RBFOX1: variants seen among roughly 807,000 people sequenced by gnomAD.
RBFOX1 encodes the protein RNA binding protein fox-1 homolog 1.
A neutral mutation model predicts 57.7 loss-of-function variants in RBFOX1; 8 were observed. That is an observed-to-expected ratio of 0.14 (90% CI 0.08 to 0.25). The LOEUF (loss-of-function observed/expected upper bound fraction) is 0.25, where lower values mean the gene tolerates loss of function less well. Among genes scored for constraint, RBFOX1 ranks in the 10% least tolerant of loss-of-function variants. RBFOX1 has a pLI of 1.00. For synonymous variants in RBFOX1, 326 were observed against 222.4 expected, an observed-to-expected ratio of 1.47 and a Z score of -4.15; for missense variants, 611 against 548.5, an observed-to-expected ratio of 1.11 and a Z score of -1.14.
intron 1 of RBFOX1, among the ~76,000 whole-genome samples, chr16:6,171,896 A>G (rs1798449100): frequency 6.6e-6 from 1 of 151,924 alleles, no homozygotes; most frequent in South Asian, 2.1e-4. Flanking sequence ...ATTTCCGCTC[A>G]CTGTGACCTC....
intron 4 of RBFOX1, among the ~76,000 whole-genome samples, chr16:7,280,337 G>A (rs2178721): frequency 0.12 from 18,765 of 152,198 alleles, 1,485 homozygotes; most frequent in Middle Eastern, 0.21. Flanking sequence ...TCCCTCCATA[G>A]ACCCTAAGAC....
chr16:6,708,407 T>C (rs1422162414), intron 3 of RBFOX1, among the ~76,000 whole-genome samples: 1 of 152,184 alleles, frequency 6.6e-6, no homozygotes, highest in Non-Finnish European at 1.5e-5. Context: ...AGGAGTTAAG[T>C]TCTAAAATTA....
chr16:6,094,818 C>T (rs2096224318), intron 1 of RBFOX1, among the ~76,000 whole-genome samples: 1 of 152,208 alleles, frequency 6.6e-6, no homozygotes, highest in Admixed American at 6.5e-5. Flanking sequence ...AATCCCAACA[C>T]CTTGGGAGGC....
chr16:7,283,953 G>C (rs2095599078), intron 4 of RBFOX1, among the ~76,000 whole-genome samples: 1 of 152,216 alleles, frequency 6.6e-6, no homozygotes, highest in Non-Finnish European at 1.5e-5. Flanking sequence ...TTAGTCCCCA[G>C]CTCTAGATCC....
At chr16:6,955,135 G>C (rs930786961) in intron 3 of RBFOX1, among the ~76,000 whole-genome samples, 4 of 151,864 alleles carry the variant, frequency 2.6e-5, no homozygotes, top group Admixed American at 1.3e-4. Flanking sequence ...CAGCTACTTG[G>C]GAGGTTGAGG....
intron 3 of RBFOX1, among the ~76,000 whole-genome samples, chr16:6,693,667 C>A (rs1011645507): frequency 6.6e-6 from 1 of 151,472 alleles, no homozygotes; most frequent in Non-Finnish European, 1.5e-5. Context: ...TCATCATCCT[C>A]ATCTGCTACC....
chr16:5,752,359 T>C (rs1377956077), intron 3 of RBFOX1, among the ~76,000 whole-genome samples: 1 of 152,188 alleles, frequency 6.6e-6, no homozygotes, highest in Non-Finnish European at 1.5e-5. Flanking sequence ...GATGAAATAG[T>C]CTGTACAGGA....
chr16:6,656,418 T>C (rs1023365526), intron 3 of RBFOX1, among the ~76,000 whole-genome samples: 2 of 152,238 alleles, frequency 1.3e-5, no homozygotes, highest in African/African-American at 4.8e-5. Context: ...GGGTAAGCTC[T>C]GGGCAAGGAG....
At chr16:6,980,103 G>C (rs890939720) in intron 3 of RBFOX1, among the ~76,000 whole-genome samples, 2 of 152,198 alleles carry the variant, frequency 1.3e-5, no homozygotes, top group Non-Finnish European at 2.9e-5. Context: ...TAGTAGAACA[G>C]TCACAGCACA....
At chr16:7,680,903 TACACAC>T (rs895671324) in intron 14 of RBFOX1, among the ~76,000 whole-genome samples, 3 of 119,182 alleles carry the variant, frequency 2.5e-5, no homozygotes, top group African/African-American at 8.8e-5. Context: ...CACACACACG[TACACAC>T]ACACACACTC....
Position 6,901,554 on chromosome 16 carries a change from T to G in RBFOX1, c.-15-150503T>G, listed in dbSNP as rs145329471. On this transcript the variant is annotated intron_variant, in intron 3 of 15. Transcript: ENST00000550418. ...AGCAAATCCAGAGAAGATTTTTGTT[T>G]ATGTAGTGGAATGTTCAACTCCTCA... Among the ~76,000 whole-genome samples the G allele has an allele frequency of 5.3e-3, 805 of 152,304 alleles. 6 individuals carry two copies. The highest frequency in any genetic ancestry group is 0.019 in the African/African-American group (774 of 41,562).
chr16:5,824,365 T>C (rs28434028), intron 3 of RBFOX1, among the ~76,000 whole-genome samples: 2,227 of 152,240 alleles, frequency 0.015, 56 homozygotes, highest in African/African-American at 0.05. Flanking sequence ...AGCTTGTCTG[T>C]CTCCCTCCTT....
At chr16:6,616,443 G>A (rs922078908) in intron 2 of RBFOX1, among the ~76,000 whole-genome samples, 6 of 151,828 alleles carry the variant, frequency 4.0e-5, no homozygotes, top group Admixed American at 1.3e-4. Context: ...TCAGGAGGCC[G>A]AGGCGGGTGG....
chr16:7,399,536 G>A (rs1314285743), intron 4 of RBFOX1, among the ~76,000 whole-genome samples: 1 of 152,146 alleles, frequency 6.6e-6, no homozygotes, highest in African/African-American at 2.4e-5. Flanking sequence ...TACTTTGAGG[G>A]AAAATCCATA....
intron 3 of RBFOX1, among the ~76,000 whole-genome samples, chr16:6,692,618 C>T (rs945444987): frequency 2.3e-5 from 3 of 129,812 alleles, no homozygotes; most frequent in African/African-American, 5.4e-5. Flanking sequence ...CCACCATGCA[C>T]TTTTCCATCC....
At chr16:6,852,428 C>T (rs1423691646) in intron 3 of RBFOX1, among the ~76,000 whole-genome samples, 1 of 152,190 alleles carries the variant, frequency 6.6e-6, no homozygotes, top group African/African-American at 2.4e-5. Flanking sequence ...TTATAAGTTT[C>T]AGGGATTTTT....
At chr16:6,121,497 AGCC>A (rs1172390775) in intron 1 of RBFOX1, among the ~76,000 whole-genome samples, 3 of 152,126 alleles carry the variant, frequency 2.0e-5, no homozygotes, top group Non-Finnish European at 4.4e-5. Flanking sequence ...CCCAAATTCT[AGCC>A]TCCAGGAATG....
At chr16:5,401,767 C>T (rs2066721157) in intron 1 of RBFOX1, among the ~76,000 whole-genome samples, 1 of 140,000 alleles carries the variant, frequency 7.1e-6, no homozygotes, top group Non-Finnish European at 1.5e-5. Flanking sequence ...CTGTCTCTCT[C>T]CTCCTCCTCC....
chr16:7,365,361 T>C (rs2097422133), intron 4 of RBFOX1, among the ~76,000 whole-genome samples: 1 of 152,196 alleles, frequency 6.6e-6, no homozygotes, highest in South Asian at 2.1e-4. Flanking sequence ...CCTTTTTTTA[T>C]AGTCTCAGTC....
Sources: allele counts gnomAD v4.1 joint callset (sites outside exome capture counted in the v4.1 genomes callset), GRCh38; gene constraint gnomAD v4.1.1; transcripts MANE v1.5; gene names NCBI Gene and HGNC (gene_info 2026-07-23, HGNC 2026-07-21).